Variants in GRB7 observed in about 807,000 individuals in gnomAD.
GRB7 encodes growth factor receptor-bound protein 7.
A neutral mutation model predicts 64.1 loss-of-function variants in GRB7; 47 were observed. The ratio of observed to expected loss-of-function variants is 0.73; its 90% CI spans 0.58 to 0.94. The LOEUF (loss-of-function observed/expected upper bound fraction) is 0.94. GRB7 is among the 40% of genes least tolerant of loss of function. The pLI, the probability that GRB7 is intolerant of heterozygous loss-of-function variation, is 0.00. For synonymous variants in GRB7, 277 were observed against 279.9 expected, an observed-to-expected ratio of 0.99 and a Z score of 0.10; for missense variants, 634 against 718.4, an observed-to-expected ratio of 0.88 and a Z score of 1.34.
chr17:39,739,658 G>T (rs2143388275), intron 1 of GRB7, among the ~76,000 whole-genome samples: 1 of 152,382 alleles, frequency 6.6e-6, no homozygotes, highest in East Asian at 1.9e-4. Context: ...GGGCCAGCCA[G>T]GTGGGGCGTG....
Position 39,742,992 on chromosome 17 carries a change from G to A in GRB7, c.401G>A (p.Arg134Gln), listed in dbSNP as rs150749308. The change falls in exon 4 of 15, where the codon CGA (arginine) becomes CAA (glutamine). Residue 134 changes from arginine to glutamine, a missense_variant. By Grantham distance (43) the Arg-to-Gln change is conservative (BLOSUM62 1). This residue lies in a region of GRB7 where 467 missense variants were observed against 576.6 expected (regional missense o/e 0.81). Coordinates refer to ENST00000309156, the MANE Select transcript of GRB7 (RefSeq NM_005310.5). ...ARHVCEMLVQ[R>Q]AHALSDETWG... The stretch of plus-strand genomic sequence containing the variant: ...CACGTGTGTGAAATGCTGGTGCAGC[G>A]AGCTCACGCCTTGAGCGACGAGACC... The A allele has an allele frequency of 3.7e-5, 59 of 1,613,258 alleles. No homozygotes were observed. The African/African-American group carries it at 6.0e-4, about 16-fold the overall frequency.
chr17:39,742,212 G>T, intron 1 of GRB7, 40 bp from the exon 2 acceptor site: 1 of 1,460,432 alleles, frequency 6.8e-7, no homozygotes. Context: ...ACCGCCGTGT[G>T]AGGTCAGGAG....
chr17:39,738,959 T>G (rs2059973130), intron 1 of GRB7: 2 of 1,522,562 alleles, frequency 1.3e-6, no homozygotes, highest in African/African-American at 1.4e-5. Context: ...CAGCATGAAA[T>G]GGGCAGGAAG....
intron 6 of GRB7, 33 bp from the exon 7 acceptor site, chr17:39,744,037 C>A: frequency 6.2e-7 from 1 of 1,612,690 alleles, no homozygotes; most frequent in Non-Finnish European, 8.5e-7. Flanking sequence ...GGAGGTCAGA[C>A]CTGTCACTCT....
At chr17:39,738,596 A>C (rs2059970507) in intron 1 of GRB7, 2 of 227,834 alleles carry the variant, frequency 8.8e-6, no homozygotes, top group South Asian at 1.2e-4. Context: ...CTCCCTGTAC[A>C]CCTCCCTGCA....
At chr17:39,742,228 A>T in intron 1 of GRB7, 24 bp from the exon 2 acceptor site, 2 of 1,565,160 alleles carry the variant, frequency 1.3e-6, no homozygotes, top group Non-Finnish European at 1.8e-6. Flanking sequence ...AGGAGGTCTG[A>T]ATTCTCTCAT....
At position 39,745,235 on chromosome 17, in the gene GRB7, AC is replaced by A; in HGVS notation, c.1012-3del. The A allele has an allele frequency of 6.3e-7, 1 of 1,585,012 alleles. No homozygotes were observed. Among genetic ancestry groups the A allele is most frequent in the South Asian group, 1.2e-5 (1 of 86,806 alleles). On this transcript the variant is annotated splice_polypyrimidine_tract_variant and splice_region_variant and intron_variant, in intron 9 of 14. Coordinates refer to ENST00000309156, the MANE Select transcript of GRB7 (RefSeq NM_005310.5). Reference sequence around the variant, plus strand: ...GACCTCAAGCTCTCTTTCTCTCCCCACCCCCAGTACGGGGTGCAGCTGTACA... The same window carrying A: ...GACCTCAAGCTCTCTTTCTCTCCCCACCCCAGTACGGGGTGCAGCTGTACA...
chr17:39,744,039 T>C, intron 6 of GRB7, 31 bp from the exon 7 acceptor site: 1 of 1,612,794 alleles, frequency 6.2e-7, no homozygotes, highest in Non-Finnish European at 8.5e-7. Flanking sequence ...AGGTCAGACC[T>C]GTCACTCTCC....
intron 14 of GRB7, among the ~76,000 whole-genome samples, chr17:39,746,476 G>A (rs1597909287): frequency 6.6e-6 from 1 of 152,038 alleles, no homozygotes; most frequent in South Asian, 2.1e-4. Flanking sequence ...AATGAGCCAG[G>A]CATGGTGGTG....
rs2060056952 is a variant in GRB7, at chr17:39,747,279, T to C, written c.*382T>C. ...ACTAGTGACAATAAAGATTATTTTT[T>C]GATACACCTATGAGTTCTGTCTGGC... On this transcript the variant is annotated 3_prime_UTR_variant, in exon 15 of 15. Coordinates refer to ENST00000309156, the MANE Select transcript of GRB7 (RefSeq NM_005310.5). The C allele has an allele frequency of 5.3e-6, 1 of 190,290 alleles. No homozygotes were observed. Among genetic ancestry groups the C allele is most frequent in the African/African-American group, 2.3e-5 (1 of 42,936 alleles). The allele number at this position is 190,290 out of a possible 1,614,324, so 11.8% of individuals were successfully genotyped here.
chr17:39,744,173 C>T lies in GRB7; in HGVS notation c.767C>T (p.Ser256Phe). The change falls in exon 7 of 15, where the codon TCT becomes TTT. Residue 256 changes from serine (S) to phenylalanine (F), a missense_variant. By Grantham distance (155) the Ser-to-Phe change is radical. Coordinates refer to ENST00000309156, the MANE Select transcript of GRB7 (RefSeq NM_005310.5). ...CGCTTTTTCTGCTTCTTGCGCCGAT[C>T]TGGCCTCTATTACTCCACCAAGGGC... Reference protein sequence around the residue: ...WKRFFCFLRRSGLYYSTKGTS... With the variant: ...WKRFFCFLRRFGLYYSTKGTS... 6.2e-7 allele frequency: 1 copy of T among 1,614,138 alleles called. No homozygotes were observed. Among genetic ancestry groups the T allele is most frequent in the Non-Finnish European group, 8.5e-7 (1 of 1,180,036 alleles).
Position 39,742,932 on chromosome 17 carries a change from G to A in GRB7, c.341G>A (p.Arg114Lys). 6.2e-7 allele frequency: 1 copy of A among 1,611,388 alleles called. No individual in the cohort carries two copies. The highest frequency in any genetic ancestry group is 8.5e-7 in the Non-Finnish European group (1 of 1,178,464). ...VKVYSEDGAC[R>K]SVEVAAGATA... Reference sequence around the variant, plus strand: ...GTGTACAGTGAGGATGGGGCCTGCAGGTCTGTGGAGGTGGCAGCAGGTGCC... The same window carrying A: ...GTGTACAGTGAGGATGGGGCCTGCAAGTCTGTGGAGGTGGCAGCAGGTGCC... Residue 114 changes from arginine (R) to lysine (K), a missense_variant, in exon 4 of 15, where the codon AGG becomes AAG. Coordinates refer to ENST00000309156, the MANE Select transcript of GRB7 (RefSeq NM_005310.5).
At chr17:39,746,353 A>C (rs1255389193) in intron 14 of GRB7, 151 bp downstream of exon 14, 1 of 692,814 alleles carries the variant, frequency 1.4e-6, no homozygotes, top group Non-Finnish European at 2.5e-6. Flanking sequence ...GCGGTGGCTC[A>C]CACCTGTAAT....
Position 39,742,263 on chromosome 17 carries a change from A to G in GRB7, c.-39A>G. The G allele has an allele frequency of 6.2e-7, 1 of 1,613,464 alleles. No individual in the cohort carries two copies. Among genetic ancestry groups the G allele is most frequent in the Non-Finnish European group, 8.5e-7 (1 of 1,179,512 alleles). On this transcript the variant is annotated 5_prime_UTR_variant, in exon 2 of 15. Transcript: ENST00000309156. The stretch of plus-strand genomic sequence containing the variant: ...TCCCCTCTCCCCAGGACAAGGGCAC[A>G]CAACTGGTTCCGTTAAGCCCCTCTC...
chr17:39,743,899 G>A (rs533091480), intron 6 of GRB7, among the ~76,000 whole-genome samples, 171 bp from the exon 7 acceptor site: 4 of 151,960 alleles, frequency 2.6e-5, no homozygotes, highest in African/African-American at 9.7e-5. Flanking sequence ...AGGCTGAGGT[G>A]GGAGGATCAC....
Position 39,742,288 on chromosome 17 carries a change from C to G in GRB7, c.-14C>G. On this transcript the variant is annotated 5_prime_UTR_variant, in exon 2 of 15. Coordinates refer to ENST00000309156, the MANE Select transcript of GRB7 (RefSeq NM_005310.5). ...ACAACTGGTTCCGTTAAGCCCCTCT[C>G]TTGCTCAGACGCCATGGAGCTGGAT... is the stretch of plus-strand genomic sequence containing the variant. 1.2e-6 allele frequency: 2 copies of G among 1,613,920 alleles called. No individual in the cohort carries two copies. Among genetic ancestry groups the G allele is most frequent in the South Asian group, 1.1e-5 (1 of 91,068 alleles).
Position 39,742,415 on chromosome 17 carries a change from G to C in GRB7, c.114G>C (p.Glu38Asp), listed in dbSNP as rs1443990285. ...PRPPDTPLPE[E>D]VKRSQPLLIP... ...CCCCTGATACCCCTCTGCCTGAGGA[G>C]GTAAAGAGGTCCCAGCCTCTCCTCA... The change falls in exon 2 of 15, where the codon GAG becomes GAC. Residue 38 changes from glutamate to aspartate, a missense_variant. This residue lies in a region of GRB7 where 167 missense variants were observed against 141.9 expected (regional missense o/e 1.18). Transcript: ENST00000309156. The C allele has an allele frequency of 3.1e-6, 5 of 1,614,002 alleles. No individual in the cohort carries two copies. The South Asian group carries it at 5.5e-5, about 18-fold the overall frequency.
chr17:39,746,969 C>A lies in GRB7; in HGVS notation c.*72C>A. Reference sequence around the variant, plus strand: ...GCCGCCCCTCCACCCATCCAGTGGACTCTGGGGCGCGGCCACAGGGGACGG... The same window carrying A: ...GCCGCCCCTCCACCCATCCAGTGGAATCTGGGGCGCGGCCACAGGGGACGG... On this transcript the variant is annotated 3_prime_UTR_variant, in exon 15 of 15. Coordinates refer to ENST00000309156, the MANE Select transcript of GRB7 (RefSeq NM_005310.5). 6.6e-7 allele frequency: 1 copy of A among 1,505,098 alleles called. No individual in the cohort carries two copies. The highest frequency in any genetic ancestry group is 9.0e-7 in the Non-Finnish European group (1 of 1,113,350). The allele number at this position is 1,505,098 out of a possible 1,614,324, so 93.2% of individuals were successfully genotyped here. A position where few individuals can be genotyped will look rare whatever the true frequency, so the allele number is the denominator to read the frequency against.
rs777523440 is a variant in GRB7, at chr17:39,744,134, G to A, written c.728G>A (p.Arg243Gln). 38 of 1,614,048 alleles carry A rather than the reference G, an allele frequency of 2.4e-5. No individual in the cohort carries two copies. Among genetic ancestry groups the A allele is most frequent in the African/African-American group, 2.7e-5 (2 of 74,924 alleles). The change falls in exon 7 of 15, where the codon CGG becomes CAG. Residue 243 changes from arginine (R) to glutamine (Q), a missense_variant. This residue lies in a region of GRB7 where 467 missense variants were observed against 576.6 expected (regional missense o/e 0.81). Coordinates refer to ENST00000309156, the MANE Select transcript of GRB7 (RefSeq NM_005310.5). Reference sequence around the variant, plus strand: ...TTTCTGCAGCTGCGGGGTTCAGGACGGAAGCTTTGGAAACGCTTTTTCTGC... The same window carrying A: ...TTTCTGCAGCTGCGGGGTTCAGGACAGAAGCTTTGGAAACGCTTTTTCTGC... ...QGFLQLRGSGRKLWKRFFCFL... is the reference protein window; with the variant it reads ...QGFLQLRGSGQKLWKRFFCFL...
Sources: allele counts gnomAD v4.1 joint callset (sites outside exome capture counted in the v4.1 genomes callset), GRCh38; gene constraint gnomAD v4.1.1; regional missense constraint gnomAD v4.1.1; transcripts MANE v1.5; gene names NCBI Gene and HGNC (gene_info 2026-07-23, HGNC 2026-07-21).